Variants in ZPLD1 observed in about 807,000 individuals in gnomAD.
The protein encoded by ZPLD1 is zona pellucida-like domain-containing protein 1.
In ZPLD1, 34 loss-of-function variants were observed where a neutral mutation model predicts 47.2. The ratio of observed to expected loss-of-function variants is 0.72; its 90% CI spans 0.55 to 0.96. The LOEUF (loss-of-function observed/expected upper bound fraction) is 0.96, where lower values mean the gene tolerates loss of function less well. ZPLD1 is among the 40% of genes least tolerant of loss of function. The pLI is 0.00. For synonymous variants in ZPLD1, 176 were observed against 186.2 expected (o/e 0.95, Z 0.45); for missense variants, 512 against 505.8 (o/e 1.01, Z -0.12).
chr3:102,393,416 C>T (rs913232089), intron 7 of ZPLD1, among the ~76,000 whole-genome samples: 7 of 152,146 alleles, frequency 4.6e-5, no homozygotes, highest in Admixed American at 1.3e-4. Context: ...TCAACAACTC[C>T]GGATATCCAA....
chr3:102,408,468 TAGAA>T (rs1267776971), intron 7 of ZPLD1, among the ~76,000 whole-genome samples: 2 of 151,794 alleles, frequency 1.3e-5, no homozygotes, highest in Non-Finnish European at 1.5e-5. Flanking sequence ...TCTATTCTAT[TAGAA>T]AGAAAAATTT....
At chr3:102,442,199 A>G (rs1247585528) in intron 3 of ZPLD1, among the ~76,000 whole-genome samples, 2 of 152,084 alleles carry the variant, frequency 1.3e-5, no homozygotes, top group African/African-American at 2.4e-5. Context: ...TCTATTTTCA[A>G]TTATATTTGT....
intron 4 of ZPLD1, among the ~76,000 whole-genome samples, chr3:102,454,812 C>T (rs1368592191): frequency 6.6e-6 from 1 of 152,188 alleles, no homozygotes; most frequent in East Asian, 1.9e-4. Context: ...GCCGAGATTA[C>T]ACAACTGTAC....
chr3:102,471,164 C>T (rs948120629), intron 10 of ZPLD1, among the ~76,000 whole-genome samples: 14 of 152,176 alleles, frequency 9.2e-5, no homozygotes, highest in African/African-American at 3.1e-4. Context: ...GAGTGCGCTG[C>T]AGCCTCTAGC....
At chr3:102,456,807 T>C (rs149649868) in intron 5 of ZPLD1, among the ~76,000 whole-genome samples, 1 of 152,210 alleles carries the variant, frequency 6.6e-6, no homozygotes, top group East Asian at 1.9e-4. Flanking sequence ...CTTGGCCATA[T>C]GCTTTCACTG....
intron 7 of ZPLD1, among the ~76,000 whole-genome samples, chr3:102,417,117 A>G (rs533213756): frequency 4.1e-4 from 62 of 152,078 alleles, no homozygotes; most frequent in African/African-American, 1.4e-3. Flanking sequence ...AAATGTTGTT[A>G]AAGTACCCTG....
At chr3:102,456,551 ATC>A (rs1553712716) in intron 5 of ZPLD1, among the ~76,000 whole-genome samples, 177 bp downstream of exon 5, 10 of 97,762 alleles carry the variant, frequency 1.0e-4, no homozygotes, top group Non-Finnish European at 2.1e-4. Flanking sequence ...TATTATATCT[ATC>A]TATCTATCTA....
chr3:102,427,918 A>G (rs1706969043), intron 8 of ZPLD1, among the ~76,000 whole-genome samples: 1 of 152,332 alleles, frequency 6.6e-6, no homozygotes, highest in East Asian at 1.9e-4. Flanking sequence ...TAGATCATAA[A>G]GATAGTTTCC....
At chr3:102,426,518 C>CAAA (rs34182101) in intron 8 of ZPLD1, among the ~76,000 whole-genome samples, 158 of 107,712 alleles carry the variant, frequency 1.5e-3, no homozygotes, top group African/African-American at 4.9e-3. Context: ...AACTCCATCT[C>CAAA]AAAAAAAAAA....
chr3:102,405,105 A>C (rs1349745584), intron 7 of ZPLD1, among the ~76,000 whole-genome samples: 1 of 152,012 alleles, frequency 6.6e-6, no homozygotes, highest in Non-Finnish European at 1.5e-5. Context: ...AGTATTGTAA[A>C]GTGGAGTAGA....
chr3:102,437,679 T>G (rs1372726568), intron 2 of ZPLD1, among the ~76,000 whole-genome samples: 2 of 152,214 alleles, frequency 1.3e-5, no homozygotes, highest in Non-Finnish European at 2.9e-5. Context: ...GAAAAAGAAT[T>G]ATTAAACGCA....
chr3:102,443,448 T>A (rs1011853356), intron 3 of ZPLD1, among the ~76,000 whole-genome samples: 1 of 152,156 alleles, frequency 6.6e-6, no homozygotes, highest in African/African-American at 2.4e-5. Context: ...ATAGAGATTC[T>A]TTCCATCAAA....
At chr3:102,415,050 C>T (rs1027864152) in intron 7 of ZPLD1, among the ~76,000 whole-genome samples, 6 of 151,758 alleles carry the variant, frequency 4.0e-5, no homozygotes, top group African/African-American at 1.5e-4. Flanking sequence ...GCTGGGAAAT[C>T]GATTGTACTT....
intron 7 of ZPLD1, among the ~76,000 whole-genome samples, chr3:102,409,367 C>T (rs562381155): frequency 1.3e-5 from 2 of 151,878 alleles, no homozygotes; most frequent in African/African-American, 2.4e-5. Flanking sequence ...ATGGCTTGGT[C>T]ACCTCTGATA....
rs1376352784 is a variant in ZPLD1 at position 102,477,577 on chromosome 3, A to G, written c.1207A>G (p.Ser403Gly). The change falls in exon 12 of 12, where the codon AGT (serine) becomes GGT (glycine). Residue 403 changes from serine (S) to glycine (G), a missense_variant. Coordinates refer to ENST00000466937, the MANE Select transcript of ZPLD1 (RefSeq NM_001329788.2). Reference sequence around the variant, plus strand: ...CCTTCTGCACAGGAAGGGACCCACAAGTTTAGTGTTGAATGGCATAAGAAA... The same window carrying G: ...CCTTCTGCACAGGAAGGGACCCACAGGTTTAGTGTTGAATGGCATAAGAAA... ...LALLHRKGPT[S>G]LVLNGIRNPV... is the part of the protein sequence containing the mutation. The G allele has an allele frequency of 6.2e-7, 1 of 1,613,486 alleles. No individual in the cohort carries two copies. The highest frequency in any genetic ancestry group is 8.5e-7 in the Non-Finnish European group (1 of 1,179,644).
chr3:102,438,774 A>G (rs1435591336), intron 3 of ZPLD1, among the ~76,000 whole-genome samples, 181 bp downstream of exon 3: 3 of 151,942 alleles, frequency 2.0e-5, no homozygotes, highest in Non-Finnish European at 4.4e-5. Flanking sequence ...ATTAACATAC[A>G]AAGTGTTCAT....
chr3:102,468,845 A>G, intron 8 of ZPLD1, 119 bp from the exon 9 acceptor site: 2 of 899,906 alleles, frequency 2.2e-6, no homozygotes, highest in Non-Finnish European at 3.3e-6. Context: ...GTAACGTGGC[A>G]TGGTTCTGTT....
chr3:102,465,185 A>C (rs1707572319), intron 8 of ZPLD1, among the ~76,000 whole-genome samples: 1 of 152,222 alleles, frequency 6.6e-6, no homozygotes. Context: ...ATATAGTTTA[A>C]AATATTTATG....
upstream of ZPLD1, among the ~76,000 whole-genome samples, chr3:102,431,338 A>G (rs1341661308): frequency 1.3e-5 from 2 of 152,090 alleles, no homozygotes; most frequent in African/African-American, 2.4e-5. Context: ...TTGGCTCAAC[A>G]TATTTCCTTC....
Sources: gnomAD v4.1 joint callset for allele counts (sites outside exome capture counted in the v4.1 genomes callset) on GRCh38, gnomAD v4.1.1 for gene constraint, MANE v1.5 for transcripts, NCBI Gene and HGNC (gene_info 2026-07-23, HGNC 2026-07-21) for gene names.